The following TMEM222 variants were observed in gnomAD, a reference collection of about 807,000 sequenced individuals.
TMEM222 encodes chromosome 1 open reading frame 160.
A neutral mutation model predicts 25.1 loss-of-function variants in TMEM222; 18 were observed. The observed-to-expected ratio is 0.72, with a 90% confidence interval of 0.50 to 1.06. The LOEUF is 1.06. Among genes scored for constraint, TMEM222 ranks in the 50% least tolerant of loss-of-function variants. The pLI, the probability that TMEM222 is intolerant of heterozygous loss-of-function variation, is 0.00. For missense variants in TMEM222, 296 were observed against 293.7 expected (o/e 1.01, Z -0.06); for synonymous variants, 131 against 117.9 (o/e 1.11, Z -0.72).
intron 2 of TMEM222, 84 bp downstream of exon 2, chr1:27,330,888 C>A (rs546932282): frequency 1.3e-6 from 2 of 1,596,488 alleles, no homozygotes; most frequent in East Asian, 4.5e-5. Flanking sequence ...GGCTTCGTCT[C>A]CCCAGACCCA....
Position 27,336,264 on chromosome 1 carries a change from AG to A in TMEM222, c.*802del, listed in dbSNP as rs1330865953. ...ACAGCCAGTGCCATCAGGGAGCTGA[AG>A]GGGCTGTCCCCCACCTAACTCCAGC... is the stretch of plus-strand genomic sequence containing the variant. On this transcript the variant is annotated 3_prime_UTR_variant, in exon 6 of 6. Transcript: ENST00000374076. The A allele has an allele frequency of 1.3e-5, 2 of 152,394 alleles. No individual in the cohort carries two copies. The highest frequency in any genetic ancestry group is 2.9e-5 in the Non-Finnish European group (2 of 68,208). The allele number at this position is 152,394 out of a possible 1,614,324, so 9.4% of individuals were successfully genotyped here. A position where few individuals can be genotyped will look rare whatever the true frequency, so the allele number is the denominator to read the frequency against.
At chr1:27,326,817 C>G (rs377396483) in intron 1 of TMEM222, among the ~76,000 whole-genome samples, 5 of 151,966 alleles carry the variant, frequency 3.3e-5, no homozygotes, top group African/African-American at 1.2e-4. Flanking sequence ...TGTACTAGGT[C>G]CTGAATAGAA....
chr1:27,330,992 C>G (rs552365645), intron 2 of TMEM222, 188 bp downstream of exon 2: 2 of 1,478,726 alleles, frequency 1.4e-6, no homozygotes, highest in Non-Finnish European at 1.8e-6. Flanking sequence ...CAGGACAGGC[C>G]GGGAGGGCAG....
Position 27,334,110 on chromosome 1 carries a change from C to T in TMEM222, c.409-41C>T, listed in dbSNP as rs1391716861. 3.7e-6 allele frequency: 6 copies of T among 1,613,848 alleles called. No homozygotes were observed. In the Admixed American group the frequency reaches 1.0e-4, roughly 27 times the overall value. ...CCAGGTGGGGACCAGGGGGGAGGCT[C>T]CCCTGCAGCCCATCCTGACCAGCCC... On this transcript the variant is annotated intron_variant, in intron 4 of 5. Transcript: ENST00000374076.
chr1:27,329,625 G>T (rs2014431815), intron 1 of TMEM222, among the ~76,000 whole-genome samples: 2 of 152,056 alleles, frequency 1.3e-5, no homozygotes, highest in Non-Finnish European at 2.9e-5. Context: ...TGAACATTTG[G>T]ATTCTTTCTA....
intron 3 of TMEM222, chr1:27,333,290 T>C (rs1430744612): frequency 2.1e-6 from 1 of 470,238 alleles, no homozygotes; most frequent in Non-Finnish European, 4.4e-6. Context: ...GCTTAAGCTG[T>C]TCCCTCAGCC....
intron 1 of TMEM222, among the ~76,000 whole-genome samples, chr1:27,322,954 G>A (rs930050324): frequency 2.7e-4 from 41 of 152,146 alleles, no homozygotes; most frequent in African/African-American, 9.7e-4. Context: ...AGTTCTTTCT[G>A]TAACATCAGC....
In TMEM222 at chr1:27,330,758, C is replaced by G; in HGVS notation, c.233C>G (p.Thr78Arg). 6.2e-7 allele frequency: 1 copy of G among 1,614,210 alleles called. No homozygotes were observed. Among genetic ancestry groups the G allele is most frequent in the Non-Finnish European group, 8.5e-7 (1 of 1,180,038 alleles). ...ATCATCGGCCACATGGGCATCTGCA[C>G]ATCCACAGGAGTCATTCGGGACTTC... ...FPIIGHMGIC[T>R]STGVIRDFAG... Residue 78 changes from threonine to arginine, a missense_variant, in exon 2 of 6, where the codon ACA becomes AGA. By Grantham distance (71) the Thr-to-Arg change is moderately conservative. Transcript: ENST00000374076.
intron 3 of TMEM222, chr1:27,333,705 G>A: frequency 1.9e-6 from 1 of 540,338 alleles, no homozygotes; most frequent in Non-Finnish European, 3.3e-6. Context: ...TTCAACATAT[G>A]AACTTGGGGA....
At chr1:27,324,925 A>G (rs908255651) in intron 1 of TMEM222, among the ~76,000 whole-genome samples, 3 of 152,192 alleles carry the variant, frequency 2.0e-5, no homozygotes, top group Non-Finnish European at 4.4e-5. Flanking sequence ...AACCAGCCTC[A>G]TGATCCCACC....
intron 1 of TMEM222, among the ~76,000 whole-genome samples, chr1:27,328,168 C>T (rs79311671): frequency 0.014 from 2,146 of 152,192 alleles, 27 homozygotes; most frequent in Admixed American, 0.022. Context: ...GCAAGACCTC[C>T]GAAGGTGACA....
chr1:27,325,407 G>T, intron 1 of TMEM222: 1 of 1,085,936 alleles, frequency 9.2e-7, no homozygotes, highest in Non-Finnish European at 1.4e-6. Context: ...GGATGGCCAG[G>T]TCATCACCAT....
Position 27,333,981 on chromosome 1 carries a change from A to G in TMEM222, c.335A>G (p.Gln112Arg), listed in dbSNP as rs746333518. ...AGGTACTGGAAGTTGGACCCTGCTC[A>G]GGTCTATGCTAGCGGGCCCAACGCA... ...PAKYWKLDPA[Q>R]VYASGPNAWD... The change falls in exon 4 of 6, where the codon CAG becomes CGG. Residue 112 changes from glutamine to arginine, a missense_variant. Transcript: ENST00000374076. The G allele has an allele frequency of 4.3e-6, 7 of 1,614,084 alleles. No individual in the cohort carries two copies. Among genetic ancestry groups the G allele is most frequent in the Non-Finnish European group, 5.1e-6 (6 of 1,179,978 alleles).
chr1:27,326,193 T>C (rs2014345959), intron 1 of TMEM222, among the ~76,000 whole-genome samples: 1 of 152,212 alleles, frequency 6.6e-6, no homozygotes, highest in South Asian at 2.1e-4. Flanking sequence ...CTGGGATTTC[T>C]CTAGAGGCTG....
At chr1:27,324,548 C>T (rs1046840281) in intron 1 of TMEM222, among the ~76,000 whole-genome samples, 3 of 152,196 alleles carry the variant, frequency 2.0e-5, no homozygotes, top group Non-Finnish European at 4.4e-5. Flanking sequence ...GATCTGTGTA[C>T]AGGTGTTCAT....
chr1:27,330,961 CT>C, intron 2 of TMEM222, 157 bp downstream of exon 2: 1 of 1,512,084 alleles, frequency 6.6e-7, no homozygotes, highest in Non-Finnish European at 8.9e-7. Flanking sequence ...TGTTTGACCC[CT>C]TTCCCCCTTC....
chr1:27,329,063 T>A (rs2014418758), intron 1 of TMEM222, among the ~76,000 whole-genome samples: 1 of 152,152 alleles, frequency 6.6e-6, no homozygotes, highest in Non-Finnish European at 1.5e-5. Context: ...ATGCCCATGG[T>A]TTATAAAAAA....
In TMEM222 at chr1:27,325,310, A is replaced by G. The variant is rs1022623773; in HGVS notation, c.194+2919A>G. ...GCAAGGATGACATGCAGATTCGTGA[A>G]GCGTTCCATATTTTTGTCTCCCTGG... On this transcript the variant is annotated intron_variant, in intron 1 of 5. Transcript: ENST00000374076. The G allele has an allele frequency of 4.5e-6, 3 of 662,384 alleles. No homozygotes were observed. In the African/African-American group the frequency reaches 5.3e-5, roughly 12 times the overall value. The allele number at this position is 662,384 out of a possible 1,614,324, so 41.0% of individuals were successfully genotyped here.
intron 1 of TMEM222, among the ~76,000 whole-genome samples, chr1:27,322,867 A>T (rs1571002570): frequency 1.3e-5 from 2 of 151,746 alleles, no homozygotes; most frequent in East Asian, 3.8e-4. Context: ...GAGATCTGAG[A>T]GTCCAACCCT....
Sources: allele counts gnomAD v4.1 joint callset (sites outside exome capture counted in the v4.1 genomes callset), GRCh38; gene constraint gnomAD v4.1.1; transcripts MANE v1.5; gene names NCBI Gene and HGNC (gene_info 2026-07-23, HGNC 2026-07-21).